BBS9: variants seen among roughly 807,000 people sequenced by gnomAD.
BBS9 encodes Bardet-Biedl syndrome 9.
A neutral mutation model predicts 117.7 loss-of-function variants in BBS9; 89 were observed. That is an observed-to-expected ratio of 0.76 (90% CI 0.64 to 0.90). BBS9 has a LOEUF of 0.90. Ranked by LOEUF, BBS9 falls within the 40% of genes least tolerant of loss-of-function variation. The pLI, the probability that BBS9 is intolerant of heterozygous loss-of-function variation, is 0.00. For synonymous variants in BBS9, 379 were observed against 370.9 expected, an observed-to-expected ratio of 1.02 and a Z score of -0.25; for missense variants, 982 against 1,042.2, an observed-to-expected ratio of 0.94 and a Z score of 0.80.
chr7:33,564,933 T>G (rs911682555), intron 21 of BBS9, among the ~76,000 whole-genome samples: 3 of 152,158 alleles, frequency 2.0e-5, no homozygotes, highest in Admixed American at 2.0e-4. Flanking sequence ...AGTGTAGATA[T>G]AACATCAAAA....
At chr7:33,431,028 G>GAA (rs879655079) in intron 19 of BBS9, among the ~76,000 whole-genome samples, 21 of 128,700 alleles carry the variant, frequency 1.6e-4, no homozygotes, top group Non-Finnish European at 2.2e-4. Flanking sequence ...GTCTCTGTGA[G>GAA]AAAAAAAAAA....
At chr7:33,487,188 G>T (rs1489863508) in intron 19 of BBS9, among the ~76,000 whole-genome samples, 1 of 152,114 alleles carries the variant, frequency 6.6e-6, no homozygotes, top group Admixed American at 6.5e-5. Flanking sequence ...GTTTAAAGAC[G>T]TAAGCTTAGG....
chr7:33,262,980 A>G (rs1166741345), intron 6 of BBS9, among the ~76,000 whole-genome samples: 2 of 152,200 alleles, frequency 1.3e-5, no homozygotes, highest in Non-Finnish European at 2.9e-5. Flanking sequence ...AGTCTCTACA[A>G]CTAGTGTGGG....
chr7:33,529,608 CCTCCT>C (rs1850248230), intron 20 of BBS9, among the ~76,000 whole-genome samples: 1 of 152,044 alleles, frequency 6.6e-6, no homozygotes, highest in African/African-American at 2.4e-5. Context: ...CCTTCCCTCC[CCTCCT>C]CTCCCATCCC....
chr7:33,441,304 G>T (rs868378983), intron 19 of BBS9, among the ~76,000 whole-genome samples: 1 of 151,926 alleles, frequency 6.6e-6, no homozygotes, highest in Non-Finnish European at 1.5e-5. Flanking sequence ...AAAATAAAAG[G>T]GTGGGGAGAA....
At chr7:33,321,213 A>G (rs1449733316) in intron 9 of BBS9, among the ~76,000 whole-genome samples, 5 of 152,024 alleles carry the variant, frequency 3.3e-5, no homozygotes, top group Non-Finnish European at 4.4e-5. Context: ...AGCTTTGGCT[A>G]TACTGGGTCT....
chr7:33,163,364 T>C (rs1485252510), intron 4 of BBS9, among the ~76,000 whole-genome samples: 1 of 152,196 alleles, frequency 6.6e-6, no homozygotes, highest in Non-Finnish European at 1.5e-5. Context: ...TAGGGAAGAT[T>C]CCCTCTTTTT....
At chr7:33,567,345 CTA>C (rs1857075520) in intron 21 of BBS9, among the ~76,000 whole-genome samples, 1 of 152,162 alleles carries the variant, frequency 6.6e-6, no homozygotes, top group South Asian at 2.1e-4. Flanking sequence ...GTAGCTGTTG[CTA>C]TTTTGTTCTC....
intron 21 of BBS9, among the ~76,000 whole-genome samples, chr7:33,576,260 T>C (rs553546189): frequency 3.9e-5 from 6 of 152,040 alleles, no homozygotes; most frequent in African/African-American, 1.2e-4. Context: ...TATACACCAA[T>C]AACAGACAAA....
At chr7:33,318,919 C>G (rs934621609) in intron 9 of BBS9, among the ~76,000 whole-genome samples, 2 of 152,166 alleles carry the variant, frequency 1.3e-5, no homozygotes, top group Admixed American at 1.3e-4. Context: ...AATCTCAGCA[C>G]TTTGGGAGGC....
At chr7:33,374,982 C>G (rs1437111825) in intron 17 of BBS9, among the ~76,000 whole-genome samples, 1 of 150,384 alleles carries the variant, frequency 6.6e-6, no homozygotes, top group Non-Finnish European at 1.5e-5. Context: ...CATTCATCTG[C>G]TTTTCTGTCT....
intron 21 of BBS9, among the ~76,000 whole-genome samples, chr7:33,539,972 C>T (rs1563327896): frequency 6.6e-6 from 1 of 152,202 alleles, no homozygotes; most frequent in Non-Finnish European, 1.5e-5. Flanking sequence ...TATTTGAGTA[C>T]AGACTAATTT....
At chr7:33,203,539 A>G (rs986553) in intron 5 of BBS9, among the ~76,000 whole-genome samples, 126,686 of 151,988 alleles carry the variant, frequency 0.83, 52,803 homozygotes, top group Admixed American at 0.87. Context: ...TTCAGATTTG[A>G]GAAGTTTGGG....
chr7:33,613,983 T>C (rs74579744), intron 21 of BBS9, among the ~76,000 whole-genome samples: 5,004 of 152,174 alleles, frequency 0.033, 113 homozygotes, highest in South Asian at 0.058. Context: ...CATGACTAAC[T>C]CTACCAGTTG....
At chr7:33,282,322 G>T (rs532303330) in intron 9 of BBS9, among the ~76,000 whole-genome samples, 2 of 151,952 alleles carry the variant, frequency 1.3e-5, no homozygotes, top group African/African-American at 4.8e-5. Flanking sequence ...CTCTACACAC[G>T]TGCAAATTTA....
intron 21 of BBS9, among the ~76,000 whole-genome samples, chr7:33,561,201 A>G (rs1585260767): frequency 6.6e-6 from 1 of 152,282 alleles, no homozygotes; most frequent in Middle Eastern, 3.4e-3. Context: ...ACACCATTTT[A>G]AAGTGCTTTA....
At chr7:33,566,141 T>A (rs1856900227) in intron 21 of BBS9, among the ~76,000 whole-genome samples, 1 of 151,490 alleles carries the variant, frequency 6.6e-6, no homozygotes, top group Non-Finnish European at 1.5e-5. Flanking sequence ...CCTTCACATA[T>A]TTATAGACAC....
At chr7:33,565,349 G>A (rs947557003) in intron 21 of BBS9, among the ~76,000 whole-genome samples, 1 of 152,048 alleles carries the variant, frequency 6.6e-6, no homozygotes, top group African/African-American at 2.4e-5. Context: ...TGTCACATAA[G>A]TTGCCTATTA....
At chr7:33,402,389 C>T (rs565898463) in intron 19 of BBS9, among the ~76,000 whole-genome samples, 9 of 152,192 alleles carry the variant, frequency 5.9e-5, no homozygotes, top group South Asian at 4.2e-4. Flanking sequence ...AAAATTCATG[C>T]GTTGTAGTGT....
Sources: gnomAD v4.1 joint callset for allele counts (sites outside exome capture counted in the v4.1 genomes callset) on GRCh38, gnomAD v4.1.1 for gene constraint, MANE v1.5 for transcripts, NCBI Gene and HGNC (gene_info 2026-07-23, HGNC 2026-07-21) for gene names.